The following DGKI variants were observed in gnomAD, a reference collection of about 807,000 sequenced individuals.
DGKI encodes the protein diacylglycerol kinase iota.
DGKI carries 55 observed loss-of-function variants against 147.5 expected under a neutral mutation model. The observed-to-expected ratio is 0.37, with a 90% CI of 0.30 to 0.47. The LOEUF is 0.47. Among genes scored for constraint, DGKI ranks in the 20% least tolerant of loss-of-function variants. DGKI has a pLI of 1.00. For synonymous variants in DGKI, 469 were observed against 477.1 expected (o/e 0.98, Z 0.22); for missense variants, 1,007 against 1,323.8 (o/e 0.76, Z 3.71).
chr7:137,464,769 G>A (rs377396933), intron 26 of DGKI, among the ~76,000 whole-genome samples: 2 of 152,352 alleles, frequency 1.3e-5, no homozygotes, highest in East Asian at 3.9e-4. Flanking sequence ...AAACAGGAAT[G>A]AAGATGACAT....
At position 137,505,906 on chromosome 7, in the gene DGKI, A is replaced by G. The variant is rs184744133; in HGVS notation, c.2248+15960T>C. Among the ~76,000 whole-genome samples the G allele has an allele frequency of 5.9e-5, 9 of 152,214 alleles. No homozygotes were observed. In the East Asian group the frequency reaches 1.7e-3, roughly 29 times the overall value. On this transcript the variant is annotated intron_variant, in intron 21 of 32. Coordinates refer to ENST00000614521, the MANE Select transcript of DGKI (RefSeq NM_001321708.2). ...GAGAATTGCAAATTAAACAACAAAG[A>G]TACCACTACACACCTAATAGAATGG...
intron 6 of DGKI, among the ~76,000 whole-genome samples, chr7:137,629,498 C>A (rs1346585376): frequency 6.6e-6 from 1 of 152,156 alleles, no homozygotes; most frequent in African/African-American, 2.4e-5. Context: ...CCGAAGTTGA[C>A]AAACAACTGT....
At chr7:137,591,381 ATTTTGT>A (rs1819609278) in intron 12 of DGKI, among the ~76,000 whole-genome samples, 1 of 152,130 alleles carries the variant, frequency 6.6e-6, no homozygotes, top group Non-Finnish European at 1.5e-5. Flanking sequence ...CACAGCACAG[ATTTTGT>A]TTTGTCTTGA....
chr7:137,466,808 G>T (rs979150471), intron 25 of DGKI, 94 bp downstream of exon 25: 4 of 1,325,464 alleles, frequency 3.0e-6, no homozygotes, highest in African/African-American at 2.9e-5. Flanking sequence ...TGTCTCAGTG[G>T]TTTTCGTTAG....
At chr7:137,574,780 A>C (rs1818913894) in intron 17 of DGKI, among the ~76,000 whole-genome samples, 1 of 152,226 alleles carries the variant, frequency 6.6e-6, no homozygotes, top group African/African-American at 2.4e-5. Context: ...TAACAAGAAG[A>C]AAATATGGAA....
At chr7:137,469,076 G>T (rs1026418945) in intron 24 of DGKI, among the ~76,000 whole-genome samples, 1 of 152,124 alleles carries the variant, frequency 6.6e-6, no homozygotes, top group African/African-American at 2.4e-5. Context: ...AATATATCAT[G>T]CGGATCTGAG....
At chr7:137,472,695 G>A (rs991291488) in intron 23 of DGKI, among the ~76,000 whole-genome samples, 2 of 151,608 alleles carry the variant, frequency 1.3e-5, no homozygotes, top group Admixed American at 6.6e-5. Flanking sequence ...AGCTACTGAC[G>A]TCTCTCAGTT....
At chr7:137,677,051 C>G (rs1049915034) in intron 3 of DGKI, among the ~76,000 whole-genome samples, 26 of 152,164 alleles carry the variant, frequency 1.7e-4, no homozygotes, top group African/African-American at 6.3e-4. Flanking sequence ...ACGCAATTAA[C>G]CAAGACACTA....
chr7:137,762,162 G>C (rs1170474078), intron 1 of DGKI, among the ~76,000 whole-genome samples: 1 of 152,158 alleles, frequency 6.6e-6, no homozygotes, highest in Admixed American at 6.5e-5. Context: ...AATGTGACCA[G>C]TTCATTCCCG....
chr7:137,424,456 G>A lies in DGKI; in HGVS notation c.2762-12249C>T, dbSNP rs567793376. 3.2e-4 allele frequency among the ~76,000 whole-genome samples: 48 copies of A among 152,314 alleles called. No homozygotes were observed. The East Asian group carries it at 9.1e-3, about 29-fold the overall frequency. On this transcript the variant is annotated intron_variant, in intron 28 of 32. Transcript: ENST00000614521. ...CTCCGGTCTACAGCTCCCAGCGTGAGTGACGCAGAAGACGGGTGATTTCTG... is the reference window on the plus strand; with the variant it reads ...CTCCGGTCTACAGCTCCCAGCGTGAATGACGCAGAAGACGGGTGATTTCTG...
chr7:137,392,680 A>T (rs1179515464), intron 32 of DGKI, among the ~76,000 whole-genome samples: 2 of 152,314 alleles, frequency 1.3e-5, no homozygotes, highest in African/African-American at 2.4e-5. Flanking sequence ...AATAATTTTT[A>T]TTCAACTTGT....
At chr7:137,506,887 T>C (rs1442296469) in intron 21 of DGKI, among the ~76,000 whole-genome samples, 1 of 152,220 alleles carries the variant, frequency 6.6e-6, no homozygotes, top group Admixed American at 6.5e-5. Flanking sequence ...GGAAATATAA[T>C]ATGGGAGGAT....
chr7:137,818,470 C>G (rs1348483892), intron 1 of DGKI, among the ~76,000 whole-genome samples: 1 of 152,128 alleles, frequency 6.6e-6, no homozygotes, highest in Non-Finnish European at 1.5e-5. Context: ...TATTTTTGCC[C>G]AGGCTGGAGT....
chr7:137,474,013 T>C (rs1359832716), intron 23 of DGKI, among the ~76,000 whole-genome samples: 2 of 152,196 alleles, frequency 1.3e-5, no homozygotes, highest in African/African-American at 4.8e-5. Context: ...TTCCCTGAAA[T>C]ACATTTGCAT....
In DGKI at chr7:137,425,087, C is replaced by T. The variant is rs1304798359; in HGVS notation, c.2762-12880G>A. Among the ~76,000 whole-genome samples the T allele has an allele frequency of 4.6e-5, 7 of 152,214 alleles. No homozygotes were observed. In the East Asian group the frequency reaches 1.3e-3, roughly 29 times the overall value. Reference sequence around the variant, plus strand: ...GATCTGAGAATGGGCAGACTTCCTCCTCAAATGGGTCCCTGACCCCTGACC... The same window carrying T: ...GATCTGAGAATGGGCAGACTTCCTCTTCAAATGGGTCCCTGACCCCTGACC... On this transcript the variant is annotated intron_variant, in intron 28 of 32. Transcript: ENST00000614521.
intron 2 of DGKI, among the ~76,000 whole-genome samples, chr7:137,679,222 A>C (rs1823144731): frequency 6.6e-6 from 1 of 152,182 alleles, no homozygotes; most frequent in Non-Finnish European, 1.5e-5. Flanking sequence ...TTCACATCTT[A>C]CTAATTCAGT....
intron 30 of DGKI, among the ~76,000 whole-genome samples, chr7:137,404,330 G>A (rs897070252): frequency 6.6e-5 from 10 of 152,246 alleles, no homozygotes; most frequent in African/African-American, 2.4e-4. Context: ...TTTTACATCC[G>A]TATTTCTGAA....
chr7:137,406,929 G>GAAAA (rs74282866), intron 30 of DGKI, among the ~76,000 whole-genome samples: 1 of 4,644 alleles, frequency 2.2e-4, no homozygotes, highest in African/African-American at 7.3e-4. Context: ...TTGCTGAATT[G>GAAAA]CAAAAAAAAA....
At chr7:137,556,238 C>T (rs1333071258) in intron 19 of DGKI, among the ~76,000 whole-genome samples, 2 of 149,190 alleles carry the variant, frequency 1.3e-5, no homozygotes, top group African/African-American at 4.9e-5. Context: ...TAAAGATCAC[C>T]CACCAAGATA....
Sources: allele counts gnomAD v4.1 joint callset (sites outside exome capture counted in the v4.1 genomes callset), GRCh38; gene constraint gnomAD v4.1.1; transcripts MANE v1.5; gene names NCBI Gene and HGNC (gene_info 2026-07-23, HGNC 2026-07-21).